TTLL4: variants seen among roughly 807,000 people sequenced by gnomAD.
TTLL4 encodes tubulin tyrosine ligase like 4, also known as tubulin monoglutamylase TTLL4.
Under a neutral mutation model 122.7 loss-of-function variants are expected in TTLL4, and 85 were observed. The observed-to-expected ratio is 0.69, with a 90% CI of 0.58 to 0.83. The LOEUF (loss-of-function observed/expected upper bound fraction) is 0.83, where lower values mean the gene tolerates loss of function less well. Ranked by LOEUF, TTLL4 falls within the 40% of genes least tolerant of loss-of-function variation. TTLL4 has a pLI of 0.00. For missense variants in TTLL4, 1,363 were observed against 1,488.6 expected (o/e 0.92, Z 1.39); for synonymous variants, 553 against 563.0 (o/e 0.98, Z 0.25).
At position 218,739,093 on chromosome 2, in the gene TTLL4, C is replaced by T. The variant is rs193206768; in HGVS notation, c.1417C>T (p.Gln473Ter). Residue 473 changes from glutamine to a stop codon, truncating the protein, a stop_gained, in exon 3 of 20, where the codon CAG (glutamine) becomes TAG (stop). Coordinates refer to ENST00000392102, the MANE Select transcript of TTLL4 (RefSeq NM_014640.5). LOFTEE classifies it high-confidence loss of function. ...CGTGGCCACCCGCCTCTCTTCCATC[C>T]AGCTGGGCCAGTCTGAGAAGGAGAG... ...ANVATRLSSIQLGQSEKERPE... is the reference protein window; with the variant it reads ...ANVATRLSSI 2 of 1,614,144 alleles carry T rather than the reference C, an allele frequency of 1.2e-6. No homozygotes were observed. Among genetic ancestry groups the T allele is most frequent in the Admixed American group, 1.7e-5 (1 of 60,026 alleles).
At chr2:218,719,458 T>C (rs1382324296) in intron 1 of TTLL4, among the ~76,000 whole-genome samples, 1 of 151,706 alleles carries the variant, frequency 6.6e-6, no homozygotes, top group Non-Finnish European at 1.5e-5. Context: ...AGAAGCTTAG[T>C]GGAGTAAAGC....
rs772235766 is a variant in TTLL4 at position 218,745,782 on chromosome 2, C to G, written c.1878C>G (p.Ser626=). 6.2e-7 allele frequency: 1 copy of G among 1,613,356 alleles called. No homozygotes were observed. The highest frequency in any genetic ancestry group is 1.6e-4 in the Middle Eastern group (1 of 6,062). The change falls in exon 7 of 20, where the codon TCC becomes TCG. Residue 626 remains serine (S), a synonymous_variant. Transcript: ENST00000392102. The part of the protein sequence containing the change: ...PNIVKQTIGR[S]HFKISKRNDD... ...TTGTCAAGCAGACCATTGGACGGTC[C>G]CACTTCAAAATCAGCAAAAGTGAGT... is the stretch of plus-strand genomic sequence containing the variant.
chr2:218,753,481 C>T (rs1575186115), intron 18 of TTLL4, 103 bp from the exon 19 acceptor site: 1 of 1,171,318 alleles, frequency 8.5e-7, no homozygotes, highest in East Asian at 2.3e-5. Context: ...AGGGGAGAAC[C>T]CCATGATCCA....
Position 218,746,159 on chromosome 2 carries a change from CGAT to C in TTLL4, c.1905_1907del (p.Asp636del), listed in dbSNP as rs1439805749. ...TTCCTGATGTACCTCCCATAGGAAACGATGACTGGCTGGGCTGCTGGGGTCACC... is the reference window on the plus strand; with the variant it reads ...TTCCTGATGTACCTCCCATAGGAAACGACTGGCTGGGCTGCTGGGGTCACC... On this transcript the variant is annotated inframe_deletion, in exon 8 of 20. Transcript: ENST00000392102. The C allele has an allele frequency of 5.0e-6, 8 of 1,614,038 alleles. No homozygotes were observed. Among genetic ancestry groups the C allele is most frequent in the African/African-American group, 1.3e-5 (1 of 74,912 alleles).
At chr2:218,716,483 A>G (rs568982492) in intron 1 of TTLL4, among the ~76,000 whole-genome samples, 1 of 152,314 alleles carries the variant, frequency 6.6e-6, no homozygotes, top group Admixed American at 6.5e-5. Context: ...TTTTAATGAG[A>G]TTTAATATAA....
intron 5 of TTLL4, among the ~76,000 whole-genome samples, chr2:218,741,132 G>C (rs894752926): frequency 6.6e-6 from 1 of 152,178 alleles, no homozygotes; most frequent in Admixed American, 6.5e-5. Flanking sequence ...GCTTATGCCT[G>C]TAATCCTAAC....
Position 218,751,792 on chromosome 2 carries a change from A to C in TTLL4, c.2962A>C (p.Lys988Gln), listed in dbSNP as rs772621226. The C allele has an allele frequency of 3.1e-6, 5 of 1,612,594 alleles. No homozygotes were observed. The highest frequency in any genetic ancestry group is 3.4e-6 in the Non-Finnish European group (4 of 1,179,088). The change falls in exon 16 of 20, where the codon AAA becomes CAA. Residue 988 changes from lysine (K) to glutamine (Q), a missense_variant. Physicochemically the swap from Lys to Gln is moderately conservative, Grantham distance 53 (BLOSUM62 1). Coordinates refer to ENST00000392102, the MANE Select transcript of TTLL4 (RefSeq NM_014640.5). Reference protein sequence around the residue: ...KMKKAYYLTQKIPDQDFYASV... With the variant: ...KMKKAYYLTQQIPDQDFYASV... ...GAAGAAAGCCTATTATCTGACCCAG[A>C]AAATTCCTGATCAGGTAGGAGATTG...
In TTLL4 at chr2:218,745,760, T is replaced by C; in HGVS notation, c.1856T>C (p.Val619Ala). 1 of 1,613,618 alleles carries C rather than the reference T, an allele frequency of 6.2e-7. No individual in the cohort carries two copies. The highest frequency in any genetic ancestry group is 8.5e-7 in the Non-Finnish European group (1 of 1,179,872). Residue 619 changes from valine (V) to alanine (A), a missense_variant, in exon 7 of 20, where the codon GTC (valine) becomes GCC (alanine). Transcript: ENST00000392102. ...ATGAGCACAGTGACCCCCAACATTG[T>C]CAAGCAGACCATTGGACGGTCCCAC... The part of the protein sequence containing the change: ...WKMSTVTPNI[V>A]KQTIGRSHFK...
chr2:218,751,216 A>G (rs1391939548), intron 15 of TTLL4, among the ~76,000 whole-genome samples: 2 of 152,174 alleles, frequency 1.3e-5, no homozygotes, highest in African/African-American at 4.8e-5. Context: ...CTTGGGGGCA[A>G]GAGTTGCTTT....
intron 1 of TTLL4, among the ~76,000 whole-genome samples, chr2:218,725,953 C>T (rs1052432460): frequency 3.3e-5 from 5 of 152,194 alleles, no homozygotes; most frequent in Non-Finnish European, 7.3e-5. Context: ...GATTGCATAT[C>T]ATAATTAGGG....
intron 1 of TTLL4, among the ~76,000 whole-genome samples, chr2:218,714,919 T>C (rs1941815243): frequency 6.7e-6 from 1 of 150,270 alleles, no homozygotes; most frequent in South Asian, 2.1e-4. Context: ...TTTAATATTA[T>C]ATTAGGAACT....
chr2:218,749,232 C>T (rs749250524), intron 13 of TTLL4, 21 bp from the exon 14 acceptor site: 2 of 1,613,686 alleles, frequency 1.2e-6, no homozygotes, highest in Non-Finnish European at 8.5e-7. Flanking sequence ...GAACTGAGTA[C>T]TTCCTCATCC....
chr2:218,722,613 A>C (rs1942079122), intron 1 of TTLL4, among the ~76,000 whole-genome samples: 1 of 152,206 alleles, frequency 6.6e-6, no homozygotes, highest in African/African-American at 2.4e-5. Context: ...TGAGAGGAAG[A>C]GTGGCTCTGG....
intron 2 of TTLL4, among the ~76,000 whole-genome samples, chr2:218,733,039 C>G (rs1660983486): frequency 6.6e-6 from 1 of 152,126 alleles, no homozygotes; most frequent in African/African-American, 2.4e-5. Flanking sequence ...CTTGGTAATT[C>G]CTAACACAGC....
intron 1 of TTLL4, among the ~76,000 whole-genome samples, chr2:218,718,025 G>T (rs1941917353): frequency 6.6e-6 from 1 of 152,156 alleles, no homozygotes; most frequent in Admixed American, 6.5e-5. Flanking sequence ...TCCTGACCTC[G>T]TGATCCACCT....
intron 2 of TTLL4, among the ~76,000 whole-genome samples, chr2:218,729,914 T>A (rs1332768700): frequency 6.6e-6 from 1 of 152,082 alleles, no homozygotes; most frequent in African/African-American, 2.4e-5. Flanking sequence ...TGCTAATTTT[T>A]AAAATTTTTT....
At position 218,747,343 on chromosome 2, in the gene TTLL4, C is replaced by T; in HGVS notation, c.2220C>T (p.Leu740=). The change falls in exon 10 of 20, where the codon CTC becomes CTT. Residue 740 remains leucine (L), a synonymous_variant. Coordinates refer to ENST00000392102, the MANE Select transcript of TTLL4 (RefSeq NM_014640.5). The surrounding 1 kb of genome is among the most constrained non-coding windows in gnomAD (Gnocchi z 4.7). The part of the protein sequence containing the change: ...GIQVIHKWSQ[L]PKRRPLLVQR... ...AGGTTATTCACAAGTGGAGTCAGCT[C>T]CCCAAGCGAAGGCCCCTCCTGGTAC... 1.2e-6 allele frequency: 2 copies of T among 1,614,192 alleles called. No homozygotes were observed. The highest frequency in any genetic ancestry group is 1.7e-6 in the Non-Finnish European group (2 of 1,180,038).
chr2:218,729,339 A>G (rs1230713937), intron 2 of TTLL4, among the ~76,000 whole-genome samples: 1 of 151,562 alleles, frequency 6.6e-6, no homozygotes, highest in African/African-American at 2.4e-5. Flanking sequence ...GATGCTGCAG[A>G]TGTGGAAGTC....
At chr2:218,748,697 A>G (rs1226016939) in intron 12 of TTLL4, 139 bp from the exon 13 acceptor site, 2 of 647,682 alleles carry the variant, frequency 3.1e-6, no homozygotes, top group East Asian at 3.0e-5. Flanking sequence ...TTTGCATCCA[A>G]GTTCATCTCT....
Sources: allele counts gnomAD v4.1 joint callset (sites outside exome capture counted in the v4.1 genomes callset), GRCh38; gene constraint gnomAD v4.1.1; non-coding constraint Gnocchi (gnomAD v3.1); transcripts MANE v1.5; gene names NCBI Gene and HGNC (gene_info 2026-07-23, HGNC 2026-07-21).